Variants in CTNND2 observed in about 807,000 individuals in gnomAD.
CTNND2 encodes the protein catenin delta-2.
Under a neutral mutation model 144.4 loss-of-function variants are expected in CTNND2, and 22 were observed. That is an observed-to-expected ratio of 0.15 (90% CI 0.11 to 0.22). CTNND2 has a LOEUF of 0.22. Ranked by LOEUF, CTNND2 falls within the 10% of genes least tolerant of loss-of-function variation. The pLI is 1.00. For missense variants in CTNND2, 1,353 were observed against 1,618.8 expected (o/e 0.84, Z 2.82); for synonymous variants, 751 against 695.6 (o/e 1.08, Z -1.25).
chr5:11,342,605 T>A (rs987903854), intron 9 of CTNND2, among the ~76,000 whole-genome samples: 2 of 152,244 alleles, frequency 1.3e-5, no homozygotes, highest in African/African-American at 4.8e-5. Flanking sequence ...TCAAACACGA[T>A]TAAAAGTTGC....
intron 1 of CTNND2, among the ~76,000 whole-genome samples, chr5:11,739,806 C>G (rs896439750): frequency 3.3e-5 from 5 of 152,144 alleles, no homozygotes; most frequent in African/African-American, 1.2e-4. Flanking sequence ...ATCGTCTCAG[C>G]CCAAAATCTC....
intron 1 of CTNND2, among the ~76,000 whole-genome samples, chr5:11,818,072 A>C (rs746266847): frequency 1.5e-4 from 20 of 130,486 alleles, no homozygotes; most frequent in Admixed American, 2.6e-4. Flanking sequence ...AGTGACGTTC[A>C]TTTGGTAGGT....
chr5:11,819,727 G>T (rs146986857), intron 1 of CTNND2, among the ~76,000 whole-genome samples: 363 of 152,272 alleles, frequency 2.4e-3, no homozygotes, highest in Non-Finnish European at 3.8e-3. Context: ...CAGGGACATG[G>T]AAATACTCTT....
chr5:11,342,609 A>C (rs1166659180), intron 9 of CTNND2, among the ~76,000 whole-genome samples: 1 of 152,236 alleles, frequency 6.6e-6, no homozygotes, highest in Non-Finnish European at 1.5e-5. Flanking sequence ...ACACGATTAA[A>C]AGTTGCTATT....
intron 1 of CTNND2, among the ~76,000 whole-genome samples, chr5:11,807,313 C>A (rs1175188379): frequency 6.6e-6 from 1 of 152,122 alleles, no homozygotes; most frequent in African/African-American, 2.4e-5. Flanking sequence ...TAAACATTAT[C>A]TTTTGACTTT....
intron 12 of CTNND2, among the ~76,000 whole-genome samples, chr5:11,152,184 T>A (rs1169726682): frequency 6.6e-6 from 1 of 152,226 alleles, no homozygotes; most frequent in East Asian, 1.9e-4. Context: ...TCCCAGCTTG[T>A]CCAGTCTGGG....
intron 10 of CTNND2, among the ~76,000 whole-genome samples, chr5:11,213,892 A>G (rs958790191): frequency 6.6e-6 from 1 of 152,226 alleles, no homozygotes; most frequent in East Asian, 1.9e-4. Flanking sequence ...AAATGTATAC[A>G]TTTAAAAGTG....
chr5:11,732,608 G>T (rs961128676), intron 1 of CTNND2, among the ~76,000 whole-genome samples: 1 of 152,124 alleles, frequency 6.6e-6, no homozygotes, highest in Admixed American at 6.6e-5. Flanking sequence ...AGTCTAAGAA[G>T]CTAGTCCAAC....
intron 3 of CTNND2, among the ~76,000 whole-genome samples, chr5:11,451,422 G>A (rs1765307291): frequency 1.3e-5 from 2 of 152,150 alleles, no homozygotes; most frequent in Non-Finnish European, 2.9e-5. Flanking sequence ...ATGTGCAACT[G>A]TCCTAGGAAT....
chr5:11,344,892 C>T (rs569978150), intron 9 of CTNND2, among the ~76,000 whole-genome samples: 1 of 152,204 alleles, frequency 6.6e-6, no homozygotes, highest in African/African-American at 2.4e-5. Flanking sequence ...GTATTAAATA[C>T]AGAAGCTATG....
At position 11,082,780 on chromosome 5, in the gene CTNND2, G is replaced by A. The variant is rs769715162; in HGVS notation, c.2704C>T (p.Arg902Ter). Residue 902 changes from arginine (R) to a stop codon, truncating the protein, a stop_gained, in exon 16 of 22, where the codon CGA becomes TGA. Transcript: ENST00000304623. LOFTEE classifies it high-confidence loss of function. ...CACACCACACGGTCATTGTCTATTC[G>A]GAGCAGCTCCACGAGGATGGGCAGG... Reference protein sequence around the residue: ...KGLPILVELLRIDNDRVVCAV... With the variant: ...KGLPILVELL The A allele has an allele frequency of 1.2e-6, 2 of 1,614,018 alleles. No individual in the cohort carries two copies.
At chr5:11,252,093 C>T (rs917624775) in intron 9 of CTNND2, among the ~76,000 whole-genome samples, 3 of 152,106 alleles carry the variant, frequency 2.0e-5, no homozygotes, top group African/African-American at 7.2e-5. Flanking sequence ...ACTGAAAATG[C>T]TTTATTATAT....
intron 3 of CTNND2, among the ~76,000 whole-genome samples, chr5:11,432,807 T>TA (rs1361653654): frequency 3.3e-5 from 5 of 152,248 alleles, no homozygotes; most frequent in Non-Finnish European, 7.3e-5. Context: ...CTGAATATCT[T>TA]ACGTTTCTCT....
chr5:11,663,222 A>G (rs542725358), intron 2 of CTNND2, among the ~76,000 whole-genome samples: 132 of 152,330 alleles, frequency 8.7e-4, no homozygotes, highest in Non-Finnish European at 1.6e-3. Context: ...GATTTGAAAT[A>G]TAAGACTGAT....
chr5:11,135,491 C>A (rs1236686756), intron 12 of CTNND2, among the ~76,000 whole-genome samples: 2 of 152,080 alleles, frequency 1.3e-5, no homozygotes, highest in Non-Finnish European at 2.9e-5. Context: ...GAGAGAGGAT[C>A]CTTCTATATC....
intron 2 of CTNND2, among the ~76,000 whole-genome samples, chr5:11,607,036 C>T (rs967882788): frequency 9.9e-5 from 15 of 152,236 alleles, no homozygotes; most frequent in Middle Eastern, 3.4e-3. Context: ...GAGACAGGCA[C>T]ACAGGAAGAA....
intron 3 of CTNND2, among the ~76,000 whole-genome samples, chr5:11,495,089 C>A (rs915205872): frequency 6.6e-6 from 1 of 152,108 alleles, no homozygotes; most frequent in East Asian, 1.9e-4. Flanking sequence ...AGCAGAAGCC[C>A]CTTACGAAAT....
chr5:11,496,259 G>C (rs26141), intron 3 of CTNND2, among the ~76,000 whole-genome samples: 94,584 of 152,116 alleles, frequency 0.62, 30,583 homozygotes, highest in African/African-American at 0.79. Flanking sequence ...CCTCAGAACA[G>C]TCAGGAATGA....
Position 11,838,471 on chromosome 5 carries a change from C to T in CTNND2, c.37+65346G>A, listed in dbSNP as rs147717989. On this transcript the variant is annotated intron_variant, in intron 1 of 21. Coordinates refer to ENST00000304623, the MANE Select transcript of CTNND2 (RefSeq NM_001332.4). ...GGCTCTCTCCTTAAATGAATCCCAG[C>T]CTTTTTATGACTTATTAGCTCTCCA... is the stretch of plus-strand genomic sequence containing the variant. 8.4e-3 allele frequency among the ~76,000 whole-genome samples: 1,272 copies of T among 152,250 alleles called. 8 individuals carry two copies. Among genetic ancestry groups the T allele is most frequent in the Non-Finnish European group, 0.013 (914 of 68,024 alleles).
Sources: gnomAD v4.1 joint callset for allele counts (sites outside exome capture counted in the v4.1 genomes callset) on GRCh38, gnomAD v4.1.1 for gene constraint, MANE v1.5 for transcripts, NCBI Gene and HGNC (gene_info 2026-07-23, HGNC 2026-07-21) for gene names.